The following SLAMF6 variants were observed in gnomAD, a reference collection of about 807,000 sequenced individuals.
SLAMF6 encodes the protein NK-T-B-antigen.
Under a neutral mutation model 38.3 loss-of-function variants are expected in SLAMF6, and 21 were observed. The ratio of observed to expected loss-of-function variants is 0.55; its 90% CI spans 0.39 to 0.79. SLAMF6 has a LOEUF of 0.79. Ranked by LOEUF, SLAMF6 falls within the 30% of genes least tolerant of loss-of-function variation. The pLI is 0.00. For synonymous variants in SLAMF6, 152 were observed against 146.3 expected, an observed-to-expected ratio of 1.04 and a Z score of -0.28; for missense variants, 341 against 385.3, an observed-to-expected ratio of 0.89 and a Z score of 0.96.
rs118133299 is a variant in SLAMF6 at position 160,487,749 on chromosome 1, C to G, written c.880-574G>C. 4.5e-3 allele frequency among the ~76,000 whole-genome samples: 679 copies of G among 152,270 alleles called. 34 individuals carry two copies. In the East Asian group the frequency reaches 0.079, roughly 18 times the overall value. ...GTCCCTACGGCCCTCAAAGAACCTA[C>G]TCAAAGATTTTGACACTTTAAATTA... On this transcript the variant is annotated intron_variant, in intron 6 of 7. Transcript: ENST00000368057.
intron 1 of SLAMF6, among the ~76,000 whole-genome samples, chr1:160,498,102 A>C (rs1159032435): frequency 6.6e-6 from 1 of 151,846 alleles, no homozygotes; most frequent in Non-Finnish European, 1.5e-5. Context: ...ACAGTGTATA[A>C]CTGTTTCCTT....
Position 160,491,394 on chromosome 1 carries a change from T to G in SLAMF6, c.383-6A>C. Reference sequence around the variant, plus strand: ...TTGTATGTTCCTCAGTTGTCCTGTTTGCAGAAAAAAAAAAGATCCAGATTA... The same window carrying G: ...TTGTATGTTCCTCAGTTGTCCTGTTGGCAGAAAAAAAAAAGATCCAGATTA... On this transcript the variant is annotated splice_region_variant and splice_polypyrimidine_tract_variant and intron_variant, in intron 2 of 7. Coordinates refer to ENST00000368057, the MANE Select transcript of SLAMF6 (RefSeq NM_001184714.2). The G allele has an allele frequency of 6.2e-7, 1 of 1,600,880 alleles. No individual in the cohort carries two copies. The highest frequency in any genetic ancestry group is 1.7e-4 in the Middle Eastern group (1 of 5,968).
intron 1 of SLAMF6, among the ~76,000 whole-genome samples, chr1:160,521,466 G>T (rs1414181104): frequency 1.3e-5 from 2 of 152,160 alleles, no homozygotes; most frequent in African/African-American, 2.4e-5. Flanking sequence ...TATTCTAGAG[G>T]TGGAAATAAT....
At chr1:160,504,199 A>G (rs6700972) in intron 1 of SLAMF6, among the ~76,000 whole-genome samples, 2 of 152,108 alleles carry the variant, frequency 1.3e-5, no homozygotes, top group Non-Finnish European at 2.9e-5. Flanking sequence ...AATCTAATAT[A>G]CAACATGAAG....
chr1:160,491,181 G>A lies in SLAMF6; in HGVS notation c.590C>T (p.Ala197Val). 2 of 1,614,058 alleles carry A rather than the reference G, an allele frequency of 1.2e-6. No homozygotes were observed. Among genetic ancestry groups the A allele is most frequent in the Non-Finnish European group, 1.7e-6 (2 of 1,179,984 alleles). Reference protein sequence around the residue: ...ISSEQDYTCIAENAVSNLSFS... With the variant: ...ISSEQDYTCIVENAVSNLSFS... ...GGATAAATTACTGACAGCATTCTCT[G>A]CTATGCAGGTGTAGTCCTGTTCACT... Residue 197 changes from alanine (A) to valine (V), a missense_variant, in exon 3 of 8, where the codon GCA becomes GTA. Ala to Val is a moderately conservative substitution (Grantham distance 64). Transcript: ENST00000368057.
chr1:160,501,270 A>T (rs568386353), intron 1 of SLAMF6, among the ~76,000 whole-genome samples: 1 of 152,148 alleles, frequency 6.6e-6, no homozygotes, highest in African/African-American at 2.4e-5. Context: ...CCATCATCTG[A>T]TAGAGGAGCC....
intron 1 of SLAMF6, among the ~76,000 whole-genome samples, chr1:160,514,528 C>T (rs1024287674): frequency 2.6e-5 from 4 of 152,282 alleles, no homozygotes; most frequent in Non-Finnish European, 5.9e-5. Flanking sequence ...ACAAAACTCT[C>T]CATCCTACAA....
rs188904460 is a variant in SLAMF6 at position 160,505,199 on chromosome 1, G to T, written c.50-8806C>A. On this transcript the variant is annotated intron_variant, in intron 1 of 7. Transcript: ENST00000368057. ...CTAAAAAAACAAGAATTACAACCCAGAGCAAGGAACAAAACAAAATACTGA... is the reference window on the plus strand; with the variant it reads ...CTAAAAAAACAAGAATTACAACCCATAGCAAGGAACAAAACAAAATACTGA... Among the ~76,000 whole-genome samples the T allele has an allele frequency of 6.3e-3, 952 of 152,186 alleles. 4 individuals carry two copies. Among genetic ancestry groups the T allele is most frequent in the Admixed American group, 0.013 (192 of 15,286 alleles).
chr1:160,520,520 T>C (rs972219684), intron 1 of SLAMF6, among the ~76,000 whole-genome samples: 2 of 152,180 alleles, frequency 1.3e-5, no homozygotes, highest in African/African-American at 4.8e-5. Context: ...GTAATTTATA[T>C]GCACATTTAA....
At chr1:160,489,975 T>C (rs1653192923) in intron 5 of SLAMF6, among the ~76,000 whole-genome samples, 1 of 152,148 alleles carries the variant, frequency 6.6e-6, no homozygotes, top group Non-Finnish European at 1.5e-5. Context: ...ATGAACCTGA[T>C]ATCACCAAGA....
intron 1 of SLAMF6, among the ~76,000 whole-genome samples, chr1:160,509,340 T>C (rs1299439698): frequency 6.6e-6 from 1 of 152,190 alleles, no homozygotes; most frequent in East Asian, 1.9e-4. Flanking sequence ...AAGGAAGAGC[T>C]CTTGTCCTTT....
chr1:160,492,203 T>C (rs1231691289), intron 2 of SLAMF6, among the ~76,000 whole-genome samples: 2 of 152,148 alleles, frequency 1.3e-5, no homozygotes, highest in Non-Finnish European at 1.5e-5. Flanking sequence ...GACTTAGCCT[T>C]GGCCTGAGGT....
At chr1:160,487,020 C>T (rs1653000666) in intron 7 of SLAMF6, 84 bp downstream of exon 7, 1 of 1,243,148 alleles carries the variant, frequency 8.0e-7, no homozygotes, top group Non-Finnish European at 1.2e-6. Flanking sequence ...GTAAAATGAC[C>T]CTTTTATTTT....
intron 6 of SLAMF6, among the ~76,000 whole-genome samples, chr1:160,488,311 C>A (rs1219273216): frequency 1.3e-5 from 2 of 152,128 alleles, no homozygotes; most frequent in African/African-American, 4.8e-5. Flanking sequence ...CCCCTTCTTG[C>A]TTCCTGTCAT....
At chr1:160,490,059 C>G (rs748657834) in intron 5 of SLAMF6, 139 bp downstream of exon 5, 102 of 950,978 alleles carry the variant, frequency 1.1e-4, no homozygotes, top group Admixed American at 2.6e-4. Flanking sequence ...AGATCATCTC[C>G]CCTCACAGCA....
intron 1 of SLAMF6, among the ~76,000 whole-genome samples, chr1:160,510,341 A>AACAGAAT (rs1463170595): frequency 5.3e-5 from 8 of 152,172 alleles, no homozygotes; most frequent in Admixed American, 5.2e-4. Flanking sequence ...AAAAACTTTC[A>AACAGAAT]ACAGAATACT....
chr1:160,493,613 C>A (rs1191299017), intron 2 of SLAMF6, among the ~76,000 whole-genome samples: 1 of 152,142 alleles, frequency 6.6e-6, no homozygotes, highest in African/African-American at 2.4e-5. Context: ...CCATGTCTAA[C>A]AAATATTGTT....
chr1:160,516,972 A>G (rs1468571085), intron 1 of SLAMF6, among the ~76,000 whole-genome samples: 1 of 152,230 alleles, frequency 6.6e-6, no homozygotes, highest in East Asian at 1.9e-4. Context: ...TTATGAAATC[A>G]CTGAAAGCAA....
chr1:160,519,437 T>C (rs1361140642), intron 1 of SLAMF6, among the ~76,000 whole-genome samples: 1 of 152,194 alleles, frequency 6.6e-6, no homozygotes, highest in East Asian at 1.9e-4. Flanking sequence ...TAGAATTATA[T>C]GATCTGACAA....
Sources: gnomAD v4.1 joint callset for allele counts (sites outside exome capture counted in the v4.1 genomes callset) on GRCh38, gnomAD v4.1.1 for gene constraint, MANE v1.5 for transcripts, NCBI Gene and HGNC (gene_info 2026-07-23, HGNC 2026-07-21) for gene names.